Variants in SLC2A13 observed in about 807,000 individuals in gnomAD.
The protein encoded by SLC2A13 is proton myo-inositol cotransporter.
In SLC2A13, 32 loss-of-function variants were observed where a neutral mutation model predicts 64.4. The observed-to-expected ratio is 0.50, with a 90% confidence interval of 0.37 to 0.67. The LOEUF (loss-of-function observed/expected upper bound fraction) is 0.67. Ranked by LOEUF, SLC2A13 falls within the 30% of genes least tolerant of loss-of-function variation. The probability of loss-of-function intolerance (pLI) is 0.00; values close to 1 mark genes in which losing one functional copy is unlikely to be tolerated. For synonymous variants in SLC2A13, 338 were observed against 327.1 expected, an observed-to-expected ratio of 1.03 and a Z score of -0.36; for missense variants, 743 against 829.2, an observed-to-expected ratio of 0.90 and a Z score of 1.28.
chr12:39,907,733 TA>T (rs142485538), intron 4 of SLC2A13: 11,172 of 152,184 alleles, frequency 0.073, 586 homozygotes, highest in Admixed American at 0.13. Context: ...CAGGAAGCTG[TA>T]AATGTCTGGA....
intron 1 of SLC2A13, 146 bp from the exon 2 acceptor site, chr12:40,048,356 G>T: frequency 1.4e-6 from 1 of 723,380 alleles, no homozygotes; most frequent in Non-Finnish European, 2.1e-6. Flanking sequence ...TTAAGATTTT[G>T]TTCATAACTA....
chr12:39,766,717 T>C (rs1285070219), intron 7 of SLC2A13, among the ~76,000 whole-genome samples: 1 of 152,130 alleles, frequency 6.6e-6, no homozygotes, highest in Non-Finnish European at 1.5e-5. Context: ...TCCTTTGATA[T>C]CATTTCAACA....
intron 6 of SLC2A13, among the ~76,000 whole-genome samples, chr12:39,852,011 T>C (rs1232285313): frequency 1.3e-5 from 2 of 152,142 alleles, no homozygotes; most frequent in South Asian, 2.1e-4. Context: ...TGTTGGAAAA[T>C]GTTATGGAAT....
intron 3 of SLC2A13, among the ~76,000 whole-genome samples, chr12:39,991,551 ATTGG>A (rs1314166143): frequency 6.6e-6 from 1 of 152,084 alleles, no homozygotes; most frequent in Non-Finnish European, 1.5e-5. Flanking sequence ...CTTGATCTGT[ATTGG>A]TTGGTTTGGG....
chr12:39,848,772 A>G (rs1348010389), intron 6 of SLC2A13, among the ~76,000 whole-genome samples: 1 of 152,216 alleles, frequency 6.6e-6, no homozygotes, highest in Admixed American at 6.5e-5. Context: ...GACTCAACAT[A>G]AATGCCCTTC....
At chr12:39,830,320 C>G in intron 6 of SLC2A13, 92 bp from the exon 7 acceptor site, 1 of 1,522,280 alleles carries the variant, frequency 6.6e-7, no homozygotes, top group Non-Finnish European at 8.8e-7. Flanking sequence ...ATTTTCCACT[C>G]TCTTGTGCAG....
At chr12:40,020,768 T>A (rs1179518154) in intron 3 of SLC2A13, among the ~76,000 whole-genome samples, 1 of 152,216 alleles carries the variant, frequency 6.6e-6, no homozygotes, top group African/African-American at 2.4e-5. Flanking sequence ...CAATTTGTCG[T>A]ATCTTGAAGA....
At chr12:39,781,808 G>T (rs1940995378) in intron 7 of SLC2A13, among the ~76,000 whole-genome samples, 1 of 152,310 alleles carries the variant, frequency 6.6e-6, no homozygotes, top group South Asian at 2.1e-4. Flanking sequence ...GGTAGCAATG[G>T]ACAAAAGTTA....
chr12:39,918,379 G>A (rs1240421050), intron 4 of SLC2A13, among the ~76,000 whole-genome samples: 3 of 122,858 alleles, frequency 2.4e-5, no homozygotes, highest in South Asian at 2.4e-4. Flanking sequence ...TTTTTTTTTC[G>A]GTACGAAACA....
intron 7 of SLC2A13, among the ~76,000 whole-genome samples, chr12:39,810,863 T>C (rs1395956659): frequency 6.6e-6 from 1 of 152,150 alleles, no homozygotes; most frequent in Admixed American, 6.5e-5. Context: ...ACAAGGGAGA[T>C]ACTGCGATGT....
chr12:39,765,904 T>C (rs955640569), intron 7 of SLC2A13, among the ~76,000 whole-genome samples: 2 of 152,054 alleles, frequency 1.3e-5, no homozygotes, highest in Non-Finnish European at 2.9e-5. Context: ...CAGGCCCTAG[T>C]GTGCATTGTT....
intron 4 of SLC2A13, among the ~76,000 whole-genome samples, chr12:39,911,410 AT>A (rs1945427100): frequency 6.6e-6 from 1 of 151,976 alleles, no homozygotes; most frequent in African/African-American, 2.4e-5. Context: ...CATGTATCTT[AT>A]TTTGTTGTTT....
At chr12:39,847,226 A>C (rs149556776) in intron 6 of SLC2A13, among the ~76,000 whole-genome samples, 1 of 152,264 alleles carries the variant, frequency 6.6e-6, no homozygotes, top group African/African-American at 2.4e-5. Flanking sequence ...AATGTCTCAT[A>C]AAATTAACAT....
intron 7 of SLC2A13, among the ~76,000 whole-genome samples, chr12:39,799,184 G>A (rs1206430891): frequency 1.4e-5 from 2 of 148,142 alleles, no homozygotes; most frequent in Admixed American, 1.4e-4. Context: ...CCAGGTTCAA[G>A]TGATTCTCCT....
At chr12:40,065,695 C>T (rs757677497) in intron 1 of SLC2A13, among the ~76,000 whole-genome samples, 3 of 152,010 alleles carry the variant, frequency 2.0e-5, no homozygotes, top group Non-Finnish European at 2.9e-5. Context: ...CCCAAAGGGC[C>T]AATTATTTTC....
At chr12:39,990,498 GA>G (rs1947116335) in intron 3 of SLC2A13, among the ~76,000 whole-genome samples, 1 of 152,138 alleles carries the variant, frequency 6.6e-6, no homozygotes, top group Non-Finnish European at 1.5e-5. Flanking sequence ...CCCACACTTG[GA>G]TTTCTGGCTG....
intron 4 of SLC2A13, among the ~76,000 whole-genome samples, chr12:39,948,156 T>G (rs777518822): frequency 6.6e-6 from 1 of 152,126 alleles, no homozygotes; most frequent in Non-Finnish European, 1.5e-5. Context: ...TCAATTCAGT[T>G]GCATGTTGAA....
intron 4 of SLC2A13, among the ~76,000 whole-genome samples, chr12:39,896,460 ATG>A (rs1311771951): frequency 2.8e-5 from 4 of 144,098 alleles, no homozygotes; most frequent in African/African-American, 7.7e-5. Flanking sequence ...GTGTGTATAT[ATG>A]TATACATATA....
At chr12:40,067,160 G>C (rs1321779188) in intron 1 of SLC2A13, among the ~76,000 whole-genome samples, 2 of 152,068 alleles carry the variant, frequency 1.3e-5, no homozygotes, top group Non-Finnish European at 2.9e-5. Flanking sequence ...TAATGTACAG[G>C]ATGCATGAGG....
Sources: gnomAD v4.1 joint callset for allele counts (sites outside exome capture counted in the v4.1 genomes callset) on GRCh38, gnomAD v4.1.1 for gene constraint, MANE v1.5 for transcripts, NCBI Gene and HGNC (gene_info 2026-07-23, HGNC 2026-07-21) for gene names.